Variants in RAB39A observed in about 807,000 individuals in gnomAD.
The protein encoded by RAB39A is ras-related protein Rab-39A.
Under a neutral mutation model 20.9 loss-of-function variants are expected in RAB39A, and 17 were observed. The observed-to-expected ratio is 0.81, with a 90% confidence interval of 0.56 to 1.22. RAB39A has a LOEUF of 1.22. Ranked by LOEUF, RAB39A falls within the 50% of genes most tolerant of loss-of-function variation. The pLI is 0.00. For synonymous variants in RAB39A, 99 were observed against 103.4 expected (o/e 0.96, Z 0.26); for missense variants, 234 against 270.5 (o/e 0.87, Z 0.95).
intron 1 of RAB39A, among the ~76,000 whole-genome samples, chr11:107,956,906 A>G (rs925734584): frequency 6.6e-6 from 1 of 152,214 alleles, no homozygotes; most frequent in African/African-American, 2.4e-5. Context: ...AAGAAGGCAA[A>G]GGTAGGAGAG....
At chr11:107,960,756 T>C (rs1412965426) in intron 1 of RAB39A, among the ~76,000 whole-genome samples, 8 of 152,126 alleles carry the variant, frequency 5.3e-5, no homozygotes, top group Admixed American at 6.5e-5. Context: ...GTGACAGCTG[T>C]AGCCATGGGA....
chr11:107,958,765 A>G (rs959044304), intron 1 of RAB39A, among the ~76,000 whole-genome samples: 10 of 152,178 alleles, frequency 6.6e-5, no homozygotes, highest in Non-Finnish European at 1.5e-4. Context: ...AAAATTAAAT[A>G]CAATCAGTTA....
intron 1 of RAB39A, among the ~76,000 whole-genome samples, chr11:107,950,803 G>T (rs1234122952): frequency 6.7e-6 from 1 of 149,128 alleles, no homozygotes; most frequent in Non-Finnish European, 1.5e-5. Context: ...TGCTCTCATA[G>T]AGCTTATCTT....
intron 1 of RAB39A, among the ~76,000 whole-genome samples, chr11:107,949,203 C>G (rs143547031): frequency 4.0e-5 from 6 of 151,718 alleles, no homozygotes; most frequent in Admixed American, 3.3e-4. Flanking sequence ...CCCAGCTACT[C>G]GGGAGGCTGA....
chr11:107,956,999 TAGAC>T (rs1210540106), intron 1 of RAB39A, among the ~76,000 whole-genome samples: 5 of 152,140 alleles, frequency 3.3e-5, no homozygotes, highest in Non-Finnish European at 2.9e-5. Flanking sequence ...TAAAAAAGAA[TAGAC>T]AGGCTGGCAG....
At chr11:107,938,564 T>TG (rs544720923) in intron 1 of RAB39A, among the ~76,000 whole-genome samples, 1 of 95,246 alleles carries the variant, frequency 1.0e-5, no homozygotes, top group Non-Finnish European at 2.0e-5. Context: ...ACCTCGTCTA[T>TG]AAAAAAAAAA....
rs35328521 is a variant in RAB39A at position 107,931,863 on chromosome 11, C to CTTTT, written c.227+3085_227+3088dup. Among the ~76,000 whole-genome samples the CTTTT allele has an allele frequency of 4.2e-4, 50 of 118,030 alleles. 1 individual carries two copies. Among genetic ancestry groups the CTTTT allele is most frequent in the Non-Finnish European group, 5.2e-4 (30 of 58,042 alleles). The allele number at this position is 118,030 out of a possible 152,430, so 77.4% of individuals were successfully genotyped here. ...TAGCTTTCGTTTTCTTTCTTTCCTT[C>CTTTT]TTTTTTTTTTTTTTTTTTTTGAGAC... On this transcript the variant is annotated intron_variant, in intron 1 of 1. Coordinates refer to ENST00000320578, the MANE Select transcript of RAB39A (RefSeq NM_017516.3).
At chr11:107,932,847 A>C (rs1377527263) in intron 1 of RAB39A, among the ~76,000 whole-genome samples, 1 of 152,090 alleles carries the variant, frequency 6.6e-6, no homozygotes, top group African/African-American at 2.4e-5. Flanking sequence ...AGTAGCTGGG[A>C]CTACAGGTGT....
intron 1 of RAB39A, among the ~76,000 whole-genome samples, chr11:107,937,195 G>A (rs1354361090): frequency 1.3e-5 from 2 of 151,916 alleles, no homozygotes; most frequent in Non-Finnish European, 1.5e-5. Flanking sequence ...AAGTGCAGTG[G>A]CACAATCATA....
At chr11:107,958,027 G>T (rs1310485714) in intron 1 of RAB39A, among the ~76,000 whole-genome samples, 1 of 152,046 alleles carries the variant, frequency 6.6e-6, no homozygotes, top group Non-Finnish European at 1.5e-5. Flanking sequence ...AAGTAGCTTG[G>T]ACTACAGGCA....
At chr11:107,946,440 A>G (rs1423017333) in intron 1 of RAB39A, among the ~76,000 whole-genome samples, 658 of 30,122 alleles carry the variant, frequency 0.022, 4 homozygotes, top group African/African-American at 0.061. Context: ...GTGTGTGTAT[A>G]TATATATATA....
intron 1 of RAB39A, among the ~76,000 whole-genome samples, chr11:107,952,301 G>T (rs533679358): frequency 2.6e-4 from 40 of 152,334 alleles, no homozygotes; most frequent in Non-Finnish European, 5.1e-4. Context: ...AGCCAGTCAG[G>T]CCAGGCCTGG....
Position 107,962,427 on chromosome 11 carries a change from A to G in RAB39A, c.*55A>G. Reference sequence around the variant, plus strand: ...CAGATTGGGTGTCAGTTCAGGATAAATACCAACATTAACAGCAGAATGATG... The same window carrying G: ...CAGATTGGGTGTCAGTTCAGGATAAGTACCAACATTAACAGCAGAATGATG... On this transcript the variant is annotated 3_prime_UTR_variant, in exon 2 of 2. Coordinates refer to ENST00000320578, the MANE Select transcript of RAB39A (RefSeq NM_017516.3). 1 of 1,448,002 alleles carries G rather than the reference A, an allele frequency of 6.9e-7. No homozygotes were observed. Among genetic ancestry groups the G allele is most frequent in the South Asian group, 1.4e-5 (1 of 72,040 alleles). The allele number at this position is 1,448,002 out of a possible 1,614,324, so 89.7% of individuals were successfully genotyped here.
chr11:107,929,955 A>G (rs1861119942), intron 1 of RAB39A, among the ~76,000 whole-genome samples: 1 of 152,176 alleles, frequency 6.6e-6, no homozygotes, highest in South Asian at 2.1e-4. Context: ...GTGTTCCATG[A>G]GGGGACTTCC....
rs73553027 is a variant in RAB39A at position 107,940,681 on chromosome 11, T to C, written c.227+11886T>C. On this transcript the variant is annotated intron_variant, in intron 1 of 1. Coordinates refer to ENST00000320578, the MANE Select transcript of RAB39A (RefSeq NM_017516.3). Reference sequence around the variant, plus strand: ...GATTCAGGGAAGTTTGCTTTAAAAATGACCACCTCGGCCGGGTGTGGTGGC... The same window carrying C: ...GATTCAGGGAAGTTTGCTTTAAAAACGACCACCTCGGCCGGGTGTGGTGGC... Among the ~76,000 whole-genome samples, 990 of 152,232 alleles carry C rather than the reference T, an allele frequency of 6.5e-3. 11 individuals carry two copies. Among genetic ancestry groups the C allele is most frequent in the African/African-American group, 0.023 (942 of 41,516 alleles).
At chr11:107,946,444 A>G (rs1389685491) in intron 1 of RAB39A, among the ~76,000 whole-genome samples, 27 of 47,156 alleles carry the variant, frequency 5.7e-4, no homozygotes, top group African/African-American at 1.9e-3. Context: ...GTGTATATAT[A>G]TATATATATA....
chr11:107,941,321 A>G (rs1861256570), intron 1 of RAB39A, among the ~76,000 whole-genome samples: 1 of 152,146 alleles, frequency 6.6e-6, no homozygotes, highest in Admixed American at 6.5e-5. Context: ...GTGTTCTGCA[A>G]AACATACTTT....
intron 1 of RAB39A, 113 bp from the exon 2 acceptor site, chr11:107,961,833 C>A: frequency 1.2e-6 from 1 of 846,412 alleles, no homozygotes; most frequent in East Asian, 2.7e-5. Flanking sequence ...TTTATAAATT[C>A]TAGTTAAATC....
rs142279480 is a variant in RAB39A at position 107,959,071 on chromosome 11, G to T, written c.228-2875G>T. Among the ~76,000 whole-genome samples, 1,402 of 151,700 alleles carry T rather than the reference G, an allele frequency of 9.2e-3. 19 individuals carry two copies. The highest frequency in any genetic ancestry group is 0.031 in the African/African-American group (1,276 of 41,356). On this transcript the variant is annotated intron_variant, in intron 1 of 1. Coordinates refer to ENST00000320578, the MANE Select transcript of RAB39A (RefSeq NM_017516.3). ...GGAGGCAGAGGTTGCAGTGAGCCAA[G>T]ATTGTGCCATTGCATTCCAGCCTGG... is the stretch of plus-strand genomic sequence containing the variant.
Sources: allele counts gnomAD v4.1 joint callset (sites outside exome capture counted in the v4.1 genomes callset), GRCh38; gene constraint gnomAD v4.1.1; transcripts MANE v1.5; gene names NCBI Gene and HGNC (gene_info 2026-07-23, HGNC 2026-07-21).